CLNS1A: variants seen among roughly 807,000 people sequenced by gnomAD.
CLNS1A encodes chloride nucleotide-sensitive channel 1A, also known as methylosome subunit pICln.
In CLNS1A, 16 loss-of-function variants were observed where a neutral mutation model predicts 29.4. The observed-to-expected ratio is 0.54, with a 90% CI of 0.37 to 0.83. The LOEUF (loss-of-function observed/expected upper bound fraction) is 0.83, where lower values mean the gene tolerates loss of function less well. Among genes scored for constraint, CLNS1A ranks in the 40% least tolerant of loss-of-function variants. CLNS1A has a pLI of 0.00. For synonymous variants in CLNS1A, 96 were observed against 104.8 expected, an observed-to-expected ratio of 0.92 and a Z score of 0.51; for missense variants, 235 against 287.4, an observed-to-expected ratio of 0.82 and a Z score of 1.32.
intron 5 of CLNS1A, 68 bp from the exon 6 acceptor site, chr11:77,619,763 CT>C: frequency 9.0e-7 from 1 of 1,112,482 alleles, no homozygotes; most frequent in Non-Finnish European, 1.4e-6. Context: ...CAACTTATAA[CT>C]TCTACCAGAA....
At chr11:77,633,043 C>T (rs190424994) in intron 1 of CLNS1A, among the ~76,000 whole-genome samples, 353 of 144,676 alleles carry the variant, frequency 2.4e-3, no homozygotes, top group African/African-American at 8.6e-3. Context: ...ACCAAGATCA[C>T]GCTACCACAC....
intron 1 of CLNS1A, among the ~76,000 whole-genome samples, chr11:77,636,160 T>A (rs1398579353): frequency 1.3e-5 from 2 of 152,102 alleles, no homozygotes; most frequent in Admixed American, 1.3e-4. Context: ...AGCCTCGACC[T>A]CCTGGGCTCA....
chr11:77,630,133 C>A (rs868733967), intron 1 of CLNS1A, among the ~76,000 whole-genome samples: 26 of 152,132 alleles, frequency 1.7e-4, no homozygotes, highest in African/African-American at 6.3e-4. Flanking sequence ...ACTTGAAATT[C>A]CATTTTCCTC....
At chr11:77,618,859 C>T (rs1958929685) in intron 6 of CLNS1A, among the ~76,000 whole-genome samples, 1 of 152,198 alleles carries the variant, frequency 6.6e-6, no homozygotes, top group Admixed American at 6.5e-5. Flanking sequence ...AACTGGATGA[C>T]TGACAGTGGT....
At chr11:77,634,237 T>C (rs1959101593) in intron 1 of CLNS1A, among the ~76,000 whole-genome samples, 1 of 152,188 alleles carries the variant, frequency 6.6e-6, no homozygotes, top group Non-Finnish European at 1.5e-5. Flanking sequence ...CCTCTCTGCC[T>C]CAAACTAAAT....
At chr11:77,622,092 A>G (rs550616490) in intron 5 of CLNS1A, 1 of 456,618 alleles carries the variant, frequency 2.2e-6, no homozygotes, top group South Asian at 1.5e-5. Context: ...CCTATCGTGG[A>G]CTTCTAGCCT....
chr11:77,634,722 T>TC (rs1422298703), intron 1 of CLNS1A, among the ~76,000 whole-genome samples: 4 of 87,870 alleles, frequency 4.6e-5, no homozygotes, highest in Non-Finnish European at 4.5e-5. Context: ...AGACTCTGTC[T>TC]CAAAAAAAAA....
chr11:77,634,162 C>G (rs1000693854), intron 1 of CLNS1A, among the ~76,000 whole-genome samples: 2 of 151,962 alleles, frequency 1.3e-5, no homozygotes, highest in Non-Finnish European at 2.9e-5. Context: ...GCCGGAGATT[C>G]TAAATCTTTC....
intron 1 of CLNS1A, among the ~76,000 whole-genome samples, chr11:77,636,357 C>T (rs554255195): frequency 3.3e-5 from 5 of 152,244 alleles, no homozygotes; most frequent in African/African-American, 1.2e-4. Context: ...TGTGAGCCAC[C>T]GCGCCCGGCC....
chr11:77,623,947 G>A (rs1194629445), intron 4 of CLNS1A, among the ~76,000 whole-genome samples: 1 of 152,238 alleles, frequency 6.6e-6, no homozygotes, highest in Non-Finnish European at 1.5e-5. Flanking sequence ...CCTTGGCAGT[G>A]AGCTGTTTGA....
chr11:77,636,864 A>C (rs567922799), intron 1 of CLNS1A, among the ~76,000 whole-genome samples: 1 of 152,186 alleles, frequency 6.6e-6, no homozygotes, highest in Non-Finnish European at 1.5e-5. Context: ...CATGTCAAGG[A>C]AACAGGGACC....
chr11:77,630,977 A>G (rs1362768900), intron 1 of CLNS1A, among the ~76,000 whole-genome samples: 1 of 152,242 alleles, frequency 6.6e-6, no homozygotes, highest in Non-Finnish European at 1.5e-5. Flanking sequence ...TGTATGCTAT[A>G]TGAATTATTT....
intron 1 of CLNS1A, among the ~76,000 whole-genome samples, chr11:77,634,604 G>A (rs1396855169): frequency 6.6e-6 from 1 of 151,116 alleles, no homozygotes; most frequent in African/African-American, 2.4e-5. Flanking sequence ...CACGTCTGTA[G>A]TCCCAGCTAC....
chr11:77,636,347 T>C (rs1045980639), intron 1 of CLNS1A, among the ~76,000 whole-genome samples: 11 of 152,194 alleles, frequency 7.2e-5, no homozygotes, highest in African/African-American at 2.6e-4. Context: ...GGATTACAGG[T>C]GTGAGCCACC....
chr11:77,628,067 GC>G (rs553344240), intron 2 of CLNS1A, among the ~76,000 whole-genome samples: 1 of 152,134 alleles, frequency 6.6e-6, no homozygotes, highest in Non-Finnish European at 1.5e-5. Flanking sequence ...CTTGTGATCT[GC>G]CCCCCTTGGC....
intron 6 of CLNS1A, among the ~76,000 whole-genome samples, chr11:77,617,541 CA>C (rs1344041255): frequency 2.3e-3 from 299 of 128,234 alleles, no homozygotes; most frequent in South Asian, 4.4e-3. Context: ...ACTCCCGTGT[CA>C]AAAAAAAAAA....
At chr11:77,628,425 C>A (rs756560884) in intron 2 of CLNS1A, among the ~76,000 whole-genome samples, 4 of 152,210 alleles carry the variant, frequency 2.6e-5, no homozygotes, top group African/African-American at 7.2e-5. Flanking sequence ...AGTCTTACTA[C>A]ACTACTACAC....
intron 6 of CLNS1A, among the ~76,000 whole-genome samples, chr11:77,619,170 A>G (rs1202253717): frequency 2.6e-5 from 4 of 152,200 alleles, no homozygotes; most frequent in Admixed American, 6.5e-5. Flanking sequence ...TTCTCAGAAT[A>G]ATGGAGTAGC....
At chr11:77,624,793 T>C (rs1289694166) in intron 4 of CLNS1A, among the ~76,000 whole-genome samples, 170 bp downstream of exon 4, 1 of 152,038 alleles carries the variant, frequency 6.6e-6, no homozygotes, top group Non-Finnish European at 1.5e-5. Flanking sequence ...CACTCCAGCC[T>C]GGGCAACAAA....
Sources: gnomAD v4.1 joint callset for allele counts (sites outside exome capture counted in the v4.1 genomes callset) on GRCh38, gnomAD v4.1.1 for gene constraint, MANE v1.5 for transcripts, NCBI Gene and HGNC (gene_info 2026-07-23, HGNC 2026-07-21) for gene names.